Variants in SH2D4B observed in about 807,000 individuals in gnomAD.
The protein encoded by SH2D4B is SH2 domain containing 4B, also known as SH2 domain-containing protein 4B.
SH2D4B carries 45 observed loss-of-function variants against 61.5 expected under a neutral mutation model. That is an observed-to-expected ratio of 0.73 (90% CI 0.58 to 0.94). SH2D4B has a LOEUF of 0.94. Ranked by LOEUF, SH2D4B falls within the 40% of genes least tolerant of loss-of-function variation. The pLI is 0.00. For missense variants in SH2D4B, 572 were observed against 574.2 expected (o/e 1.00, Z 0.04); for synonymous variants, 224 against 220.4 (o/e 1.02, Z -0.14).
At chr10:80,599,681 T>C (rs929965835) in intron 4 of SH2D4B, among the ~76,000 whole-genome samples, 43 of 152,174 alleles carry the variant, frequency 2.8e-4, no homozygotes, top group African/African-American at 9.7e-4. Context: ...AAGCCTTGGA[T>C]AAGGGTTGAG....
At chr10:80,542,545 C>G (rs1185723441) in intron 1 of SH2D4B, among the ~76,000 whole-genome samples, 2 of 151,708 alleles carry the variant, frequency 1.3e-5, no homozygotes, top group Admixed American at 6.6e-5. Context: ...TTACAGGCGC[C>G]CACCACCACA....
intron 6 of SH2D4B, among the ~76,000 whole-genome samples, chr10:80,616,541 A>G (rs1842662838): frequency 6.6e-6 from 1 of 152,184 alleles, no homozygotes; most frequent in Admixed American, 6.5e-5. Flanking sequence ...ACCCTTTTCT[A>G]TCAGCTATCT....
chr10:80,587,834 A>T (rs918930160), intron 3 of SH2D4B, among the ~76,000 whole-genome samples: 3 of 152,190 alleles, frequency 2.0e-5, no homozygotes, highest in Non-Finnish European at 4.4e-5. Flanking sequence ...ATAAGTGAGA[A>T]CATGCAGTGT....
rs866748398 is a variant in SH2D4B, at chr10:80,595,111, A to G, written c.643+6334A>G. Among the ~76,000 whole-genome samples the G allele has an allele frequency of 2.6e-5, 4 of 152,332 alleles. No individual in the cohort carries two copies. In the Middle Eastern group the frequency reaches 0.01, roughly 389 times the overall value. The stretch of plus-strand genomic sequence containing the variant: ...AGGCAGTTGCAATTTTTAAGACACC[A>G]GTGTTCCTTCTGCTTCTCAGCATTG... On this transcript the variant is annotated intron_variant, in intron 4 of 7. Transcript: ENST00000646907.
intron 3 of SH2D4B, among the ~76,000 whole-genome samples, chr10:80,572,606 A>C (rs1395117478): frequency 6.7e-6 from 1 of 148,954 alleles, no homozygotes; most frequent in Non-Finnish European, 1.5e-5. Flanking sequence ...CCTTCCCTCC[A>C]CTCCCCTCCC....
Position 80,629,973 on chromosome 10 carries a change from G to A in SH2D4B, c.989-4312G>A, listed in dbSNP as rs75190178. 4.3e-3 allele frequency among the ~76,000 whole-genome samples: 653 copies of A among 152,290 alleles called. 2 individuals are homozygous for A. The highest frequency in any genetic ancestry group is 6.7e-3 in the Non-Finnish European group (454 of 68,010). ...ATGTAAAGATGAGTTGTCTGTGTCC[G>A]TCAGGTCTTCCATGAAGCAGAAGAC... On this transcript the variant is annotated intron_variant, in intron 6 of 7. Transcript: ENST00000646907.
At chr10:80,587,159 T>G (rs1291674444) in intron 3 of SH2D4B, among the ~76,000 whole-genome samples, 15 of 119,836 alleles carry the variant, frequency 1.3e-4, no homozygotes, top group Admixed American at 2.6e-4. Context: ...TTGTTTTTTT[T>G]TTTTTTTTTG....
At chr10:80,609,310 T>A in intron 5 of SH2D4B, 114 bp from the exon 6 acceptor site, 121 of 481,216 alleles carry the variant, frequency 2.5e-4, no homozygotes, top group East Asian at 5.4e-4. Flanking sequence ...CCCCCCTTCC[T>A]CCTCCTCCTT....
intron 6 of SH2D4B, among the ~76,000 whole-genome samples, chr10:80,612,220 T>C (rs1332552051): frequency 7.5e-6 from 1 of 133,210 alleles, no homozygotes; most frequent in African/African-American, 2.8e-5. Context: ...ACTTATAAAA[T>C]CCCAAAGTCT....
In SH2D4B at chr10:80,637,142, G is replaced by A. The variant is rs552967680; in HGVS notation, c.1209+2637G>A. 1.4e-4 allele frequency among the ~76,000 whole-genome samples: 22 copies of A among 152,172 alleles called. No individual in the cohort carries two copies. In the South Asian group the frequency reaches 3.1e-3, roughly 22 times the overall value. ...CTGAGGCCTCTGTTCTGTTCCATTGGTCTATATCTCTGTTTTGGTACCAGT... is the reference window on the plus strand; with the variant it reads ...CTGAGGCCTCTGTTCTGTTCCATTGATCTATATCTCTGTTTTGGTACCAGT... On this transcript the variant is annotated intron_variant, in intron 7 of 7. Transcript: ENST00000646907.
At chr10:80,572,987 T>TATGTA (rs1491317353) in intron 3 of SH2D4B, among the ~76,000 whole-genome samples, 5 of 4,548 alleles carry the variant, frequency 1.1e-3, no homozygotes, top group African/African-American at 3.7e-3. Flanking sequence ...TATATATATA[T>TATGTA]TTTTTTTTTT....
rs112971115 is a variant in SH2D4B at position 80,639,831 on chromosome 10, G to A, written c.1210-4162G>A. Among the ~76,000 whole-genome samples the A allele has an allele frequency of 7.9e-3, 1,200 of 152,204 alleles. 5 individuals carry two copies. Among genetic ancestry groups the A allele is most frequent in the Non-Finnish European group, 0.013 (910 of 67,998 alleles). On this transcript the variant is annotated intron_variant, in intron 7 of 7. Transcript: ENST00000646907. The stretch of plus-strand genomic sequence containing the variant: ...ATTTGATCCTGTCATTATGATGTTC[G>A]CTGGTTATTTGGTTATTTTGCCTGT...
chr10:80,560,277 G>A (rs1188561601), intron 1 of SH2D4B, among the ~76,000 whole-genome samples: 2 of 151,866 alleles, frequency 1.3e-5, no homozygotes, highest in East Asian at 3.9e-4. Context: ...GTGAGCCACC[G>A]TGCCCGGCTG....
intron 1 of SH2D4B, among the ~76,000 whole-genome samples, chr10:80,565,481 C>T (rs1427286990): frequency 6.6e-6 from 1 of 151,888 alleles, no homozygotes; most frequent in Non-Finnish European, 1.5e-5. Context: ...CTGCAGTCTC[C>T]AGCTCCTGGG....
chr10:80,578,806 T>C (rs190811971), intron 3 of SH2D4B, among the ~76,000 whole-genome samples: 4 of 152,262 alleles, frequency 2.6e-5, no homozygotes, highest in East Asian at 1.9e-4. Flanking sequence ...ATTTTTGCAA[T>C]GGTCAAGGCC....
At position 80,559,031 on chromosome 10, in the gene SH2D4B, G is replaced by A. The variant is rs138666837; in HGVS notation, c.185-11123G>A. Among the ~76,000 whole-genome samples, 361 of 151,890 alleles carry A rather than the reference G, an allele frequency of 2.4e-3. 3 individuals are homozygous for A. The highest frequency in any genetic ancestry group is 7.6e-3 in the African/African-American group (313 of 41,408). ...TTATAATCACTTCTTGTTTTATATT[G>A]TCTTTTCATTTCTAATGGTATATAT... On this transcript the variant is annotated intron_variant, in intron 1 of 7. Transcript: ENST00000646907.
chr10:80,586,498 C>T (rs1222253361), intron 3 of SH2D4B, among the ~76,000 whole-genome samples: 1 of 152,162 alleles, frequency 6.6e-6, no homozygotes, highest in Non-Finnish European at 1.5e-5. Context: ...TATCTAGCTA[C>T]TCTGGTGGGG....
intron 1 of SH2D4B, among the ~76,000 whole-genome samples, chr10:80,564,705 G>T (rs1841943960): frequency 6.6e-6 from 1 of 152,132 alleles, no homozygotes; most frequent in South Asian, 2.1e-4. Context: ...TTATTCAACT[G>T]CCTGTTGAGT....
intron 5 of SH2D4B, among the ~76,000 whole-genome samples, chr10:80,604,052 G>A (rs1419601259): frequency 5.9e-5 from 9 of 152,144 alleles, no homozygotes; most frequent in South Asian, 4.1e-4. Flanking sequence ...TGAAGAAAGC[G>A]GTGTACCTTC....
Sources: allele counts gnomAD v4.1 joint callset (sites outside exome capture counted in the v4.1 genomes callset), GRCh38; gene constraint gnomAD v4.1.1; transcripts MANE v1.5; gene names NCBI Gene and HGNC (gene_info 2026-07-23, HGNC 2026-07-21).